RASGRF2: variants seen among roughly 807,000 people sequenced by gnomAD.
The protein encoded by RASGRF2 is ras-specific guanine nucleotide-releasing factor 2.
In RASGRF2, 76 loss-of-function variants were observed where a neutral mutation model predicts 151.0. The ratio of observed to expected loss-of-function variants is 0.50; its 90% confidence interval spans 0.42 to 0.61. RASGRF2 has a LOEUF of 0.61. RASGRF2 is among the 20% of genes least tolerant of loss of function. RASGRF2 has a pLI of 0.00. For synonymous variants in RASGRF2, 504 were observed against 566.5 expected, an observed-to-expected ratio of 0.89 and a Z score of 1.57; for missense variants, 1,148 against 1,564.6, an observed-to-expected ratio of 0.73 and a Z score of 4.49.
Position 80,985,034 on chromosome 5 carries a change from A to AC in RASGRF2, c.288+24012dup, listed in dbSNP as rs201696854. ...AGACCAGCCTGGGCAACATAGTGAG[A>AC]CCCCATCTCTACAAAAAATATGAAA... On this transcript the variant is annotated intron_variant, in intron 1 of 26. Coordinates refer to ENST00000265080, the MANE Select transcript of RASGRF2 (RefSeq NM_006909.3). Among the ~76,000 whole-genome samples the AC allele has an allele frequency of 8.9e-3, 1,348 of 152,256 alleles. 8 individuals carry two copies. The highest frequency in any genetic ancestry group is 0.012 in the Non-Finnish European group (828 of 68,014).
rs75227485 is a variant in RASGRF2 at position 81,153,878 on chromosome 5, C to T, written c.2687-26297C>T. ...TAAAGGAATGGAAAAAGATATTCCA[C>T]GTAAAAAAAATTCATGAGAGACTGG... On this transcript the variant is annotated intron_variant, in intron 17 of 26. Coordinates refer to ENST00000265080, the MANE Select transcript of RASGRF2 (RefSeq NM_006909.3). 1.8e-4 allele frequency among the ~76,000 whole-genome samples: 26 copies of T among 146,354 alleles called. 1 individual carries two copies. The East Asian group carries it at 2.5e-3, about 14-fold the overall frequency.
At chr5:81,002,242 C>T (rs948642488) in intron 1 of RASGRF2, among the ~76,000 whole-genome samples, 1 of 152,148 alleles carries the variant, frequency 6.6e-6, no homozygotes, top group African/African-American at 2.4e-5. Flanking sequence ...TGTCAACTTT[C>T]TTTTCAGGGC....
At chr5:80,977,503 C>G (rs926023575) in intron 1 of RASGRF2, among the ~76,000 whole-genome samples, 1 of 148,248 alleles carries the variant, frequency 6.7e-6, no homozygotes. Flanking sequence ...GCTCTTGTCC[C>G]CCAGGCTGGA....
chr5:81,194,146 C>A (rs1252062656), intron 18 of RASGRF2, among the ~76,000 whole-genome samples: 1 of 149,656 alleles, frequency 6.7e-6, no homozygotes, highest in African/African-American at 2.5e-5. Context: ...GAGTTGGAGA[C>A]CAGCCTGGGC....
chr5:81,103,742 GA>G (rs1233861598), intron 12 of RASGRF2, among the ~76,000 whole-genome samples: 3 of 151,836 alleles, frequency 2.0e-5, no homozygotes, highest in Non-Finnish European at 2.9e-5. Context: ...TAAAAGATAG[GA>G]AAAAAACTTT....
chr5:81,154,321 G>C (rs1561234513), intron 17 of RASGRF2, among the ~76,000 whole-genome samples: 1 of 152,144 alleles, frequency 6.6e-6, no homozygotes, highest in Non-Finnish European at 1.5e-5. Context: ...TGTGATCATA[G>C]CTCACTGTAA....
chr5:81,059,268 C>A, intron 2 of RASGRF2, among the ~76,000 whole-genome samples: 1 of 151,652 alleles, frequency 6.6e-6, no homozygotes, highest in East Asian at 1.9e-4. Context: ...CCTGTAGTCC[C>A]AGCTACTAGG....
At chr5:81,058,742 C>A (rs1751311582) in intron 2 of RASGRF2, among the ~76,000 whole-genome samples, 1 of 126,434 alleles carries the variant, frequency 7.9e-6, no homozygotes, top group African/African-American at 3.0e-5. Context: ...GGCCGCTGTA[C>A]TCCAGCCTGG....
chr5:81,083,929 C>T (rs1265167534), intron 7 of RASGRF2, among the ~76,000 whole-genome samples: 1 of 152,216 alleles, frequency 6.6e-6, no homozygotes, highest in East Asian at 1.9e-4. Flanking sequence ...TTAGACAGTT[C>T]CTATGATTCT....
chr5:81,128,196 T>A (rs1252235781), intron 17 of RASGRF2, among the ~76,000 whole-genome samples: 1 of 152,008 alleles, frequency 6.6e-6, no homozygotes, highest in Non-Finnish European at 1.5e-5. Context: ...ACAGGAAGAA[T>A]AAGTTCTGGA....
chr5:81,105,887 T>A (rs1439873857), intron 12 of RASGRF2, among the ~76,000 whole-genome samples: 2 of 152,222 alleles, frequency 1.3e-5, no homozygotes, highest in Non-Finnish European at 2.9e-5. Context: ...AAAGTGAATT[T>A]GAAGTGACTT....
At position 81,094,899 on chromosome 5, in the gene RASGRF2, A is replaced by T; in HGVS notation, c.1662A>T (p.Ile554=). The change falls in exon 12 of 27, where the codon ATA becomes ATT. Residue 554 remains isoleucine (I), a synonymous_variant. Transcript: ENST00000265080. ...GQVFGHLDFK[I]VVEPPDAAAF... The stretch of plus-strand genomic sequence containing the variant: ...TGTTTGGGCACCTGGATTTTAAAAT[A>T]GTGGTGGAGCCTCCTGACGCTGCCG... The T allele has an allele frequency of 6.2e-7, 1 of 1,603,670 alleles. No individual in the cohort carries two copies.
At chr5:81,090,471 G>A (rs1752358550) in intron 9 of RASGRF2, among the ~76,000 whole-genome samples, 1 of 152,154 alleles carries the variant, frequency 6.6e-6, no homozygotes, top group African/African-American at 2.4e-5. Flanking sequence ...TCTCATAGCT[G>A]TATTGAAACA....
chr5:81,135,590 T>G (rs1277427550), intron 17 of RASGRF2, among the ~76,000 whole-genome samples: 3 of 152,230 alleles, frequency 2.0e-5, no homozygotes, highest in Non-Finnish European at 4.4e-5. Context: ...GTTCAACCAT[T>G]TTTGTAGAAT....
intron 1 of RASGRF2, among the ~76,000 whole-genome samples, chr5:81,040,922 G>A (rs17475899): frequency 0.11 from 17,325 of 152,212 alleles, 1,252 homozygotes; most frequent in Non-Finnish European, 0.16. Context: ...AGTTTTTCTG[G>A]ATCTAGTGGC....
At chr5:81,026,940 A>G (rs1295862752) in intron 1 of RASGRF2, among the ~76,000 whole-genome samples, 1 of 152,218 alleles carries the variant, frequency 6.6e-6, no homozygotes, top group Non-Finnish European at 1.5e-5. Context: ...TCGTGAATAG[A>G]TAAGAATGAG....
In RASGRF2 at chr5:81,219,693, GT is replaced by G. The variant is rs764879883; in HGVS notation, c.3553-10del. The G allele has an allele frequency of 5.6e-6, 9 of 1,595,948 alleles. No homozygotes were observed. The Admixed American group carries it at 8.4e-5, about 15-fold the overall frequency. The stretch of plus-strand genomic sequence containing the variant: ...GCTTTTGTTGTTGTCATTTTGTTTT[GT>G]TTTTTTCTCTGTTAGATATCACACA... On this transcript the variant is annotated splice_polypyrimidine_tract_variant and intron_variant, in intron 25 of 26. Transcript: ENST00000265080.
chr5:81,133,549 A>G (rs1753677643), intron 17 of RASGRF2, among the ~76,000 whole-genome samples: 1 of 152,234 alleles, frequency 6.6e-6, no homozygotes, highest in Non-Finnish European at 1.5e-5. Context: ...TGCACTTACT[A>G]TACACCTGAA....
chr5:81,105,451 C>A (rs1488162779), intron 12 of RASGRF2, among the ~76,000 whole-genome samples: 4 of 152,182 alleles, frequency 2.6e-5, no homozygotes, highest in African/African-American at 7.2e-5. Flanking sequence ...GTGGTTGTCT[C>A]TGGAGCTGTG....
Sources: gnomAD v4.1 joint callset for allele counts (sites outside exome capture counted in the v4.1 genomes callset) on GRCh38, gnomAD v4.1.1 for gene constraint, MANE v1.5 for transcripts, NCBI Gene and HGNC (gene_info 2026-07-23, HGNC 2026-07-21) for gene names.